The following SETBP1 variants were observed in gnomAD, a reference collection of about 807,000 sequenced individuals.
SETBP1 encodes the protein SET-binding protein.
A neutral mutation model predicts 101.0 loss-of-function variants in SETBP1; 9 were observed. The observed-to-expected ratio is 0.09, with a 90% CI of 0.05 to 0.16. The LOEUF is 0.16. Among genes scored for constraint, SETBP1 ranks in the 10% least tolerant of loss-of-function variants. The probability of loss-of-function intolerance (pLI) is 1.00; values close to 1 mark genes in which losing one functional copy is unlikely to be tolerated. For synonymous variants in SETBP1, 818 were observed against 788.5 expected (o/e 1.04, Z -0.63); for missense variants, 1,858 against 2,033.8 (o/e 0.91, Z 1.66).
intron 3 of SETBP1, among the ~76,000 whole-genome samples, chr18:44,893,570 C>T (rs1224706939): frequency 6.6e-6 from 1 of 152,132 alleles, no homozygotes; most frequent in Non-Finnish European, 1.5e-5. Context: ...TCTCCTCACC[C>T]CGGTGTGGCC....
At position 44,823,669 on chromosome 18, in the gene SETBP1, G is replaced by A. The variant is rs75691652; in HGVS notation, c.487-45561G>A. ...GCAGACCCCTTGTTTATGAGACCTGGGGCTTTTGTGCAATAAAGAAATAGA... is the reference window on the plus strand; with the variant it reads ...GCAGACCCCTTGTTTATGAGACCTGAGGCTTTTGTGCAATAAAGAAATAGA... On this transcript the variant is annotated intron_variant, in intron 2 of 5. Coordinates refer to ENST00000649279, the MANE Select transcript of SETBP1 (RefSeq NM_015559.3). 3.9e-5 allele frequency among the ~76,000 whole-genome samples: 6 copies of A among 152,246 alleles called. No homozygotes were observed. The East Asian group carries it at 1.2e-3, about 29-fold the overall frequency.
rs546784543 is a variant in SETBP1 at position 44,868,185 on chromosome 18, CAG to C, written c.487-1042_487-1041del. 1.8e-3 allele frequency among the ~76,000 whole-genome samples: 280 copies of C among 152,230 alleles called. 1 individual carries two copies. Among genetic ancestry groups the C allele is most frequent in the African/African-American group, 6.5e-3 (272 of 41,534 alleles). ...TTTAGTCTTTAATATTGATTAAACACAGAGGTGCAGAAAGTACATATAACTGA... is the reference window on the plus strand; with the variant it reads ...TTTAGTCTTTAATATTGATTAAACACAGGTGCAGAAAGTACATATAACTGA... On this transcript the variant is annotated intron_variant, in intron 2 of 5. Coordinates refer to ENST00000649279, the MANE Select transcript of SETBP1 (RefSeq NM_015559.3).
intron 3 of SETBP1, among the ~76,000 whole-genome samples, chr18:44,878,108 G>A (rs2069450576): frequency 6.6e-6 from 1 of 152,106 alleles, no homozygotes; most frequent in Non-Finnish European, 1.5e-5. Flanking sequence ...AGTCATCCCT[G>A]CTAGTATATT....
At chr18:44,816,153 A>G (rs893034247) in intron 2 of SETBP1, among the ~76,000 whole-genome samples, 1 of 152,144 alleles carries the variant, frequency 6.6e-6, no homozygotes, top group Non-Finnish European at 1.5e-5. Flanking sequence ...ATAAAAGCCA[A>G]TGCAAGGCAG....
intron 2 of SETBP1, among the ~76,000 whole-genome samples, chr18:44,843,601 C>T (rs1337567035): frequency 2.6e-5 from 4 of 152,098 alleles, no homozygotes; most frequent in South Asian, 2.1e-4. Context: ...CCAGGCCAGC[C>T]GCAGTCCTCA....
At chr18:44,875,349 C>T (rs1016912859) in intron 3 of SETBP1, among the ~76,000 whole-genome samples, 1 of 151,880 alleles carries the variant, frequency 6.6e-6, no homozygotes, top group Non-Finnish European at 1.5e-5. Flanking sequence ...GAAACCTCGT[C>T]TCTACTAAAA....
chr18:44,812,563 A>T (rs1452956964), intron 2 of SETBP1, among the ~76,000 whole-genome samples: 1 of 152,134 alleles, frequency 6.6e-6, no homozygotes, highest in Non-Finnish European at 1.5e-5. Flanking sequence ...TTGGTTTGGC[A>T]TGGAGCACTG....
intron 2 of SETBP1, among the ~76,000 whole-genome samples, chr18:44,774,169 A>G (rs1048292020): frequency 1.3e-5 from 2 of 152,162 alleles, no homozygotes; most frequent in Non-Finnish European, 2.9e-5. Context: ...GAAGATTTTA[A>G]TCTTAAAATT....
At chr18:44,811,884 A>T (rs1328730040) in intron 2 of SETBP1, among the ~76,000 whole-genome samples, 1 of 152,180 alleles carries the variant, frequency 6.6e-6, no homozygotes, top group Admixed American at 6.5e-5. Context: ...ACTGGAAGGG[A>T]GGCAGTTGGC....
chr18:45,008,117 A>G (rs1216381531), intron 4 of SETBP1, among the ~76,000 whole-genome samples: 1 of 152,212 alleles, frequency 6.6e-6, no homozygotes, highest in Non-Finnish European at 1.5e-5. Context: ...AAAAAGTTCA[A>G]GACACCTCTC....
intron 2 of SETBP1, among the ~76,000 whole-genome samples, chr18:44,842,538 C>A (rs2072637442): frequency 6.6e-6 from 1 of 152,184 alleles, no homozygotes; most frequent in Non-Finnish European, 1.5e-5. Flanking sequence ...CTGGTGCCTT[C>A]CCCAAAGAAT....
At chr18:44,709,390 G>A (rs2069291284) in intron 2 of SETBP1, among the ~76,000 whole-genome samples, 1 of 152,136 alleles carries the variant, frequency 6.6e-6, no homozygotes, top group East Asian at 1.9e-4. Context: ...CTCTGGAAGT[G>A]GATTAGAACT....
chr18:44,860,134 A>G (rs1002055138), intron 2 of SETBP1, among the ~76,000 whole-genome samples: 3 of 152,216 alleles, frequency 2.0e-5, no homozygotes, highest in Non-Finnish European at 4.4e-5. Context: ...TGAGCAGATC[A>G]TCTGGTCAGT....
At chr18:44,799,233 G>A (rs974472940) in intron 2 of SETBP1, among the ~76,000 whole-genome samples, 2 of 152,114 alleles carry the variant, frequency 1.3e-5, no homozygotes, top group African/African-American at 2.4e-5. Context: ...ATAGACAGGT[G>A]AGAACCTTTG....
chr18:44,760,095 A>G (rs1201311716), intron 2 of SETBP1, among the ~76,000 whole-genome samples: 2 of 152,190 alleles, frequency 1.3e-5, no homozygotes, highest in East Asian at 3.8e-4. Flanking sequence ...GTACTAGGGT[A>G]ATACATGTCC....
intron 2 of SETBP1, among the ~76,000 whole-genome samples, chr18:44,842,835 C>G (rs576404931): frequency 6.6e-6 from 1 of 152,244 alleles, no homozygotes. Flanking sequence ...GAGGAACCAA[C>G]TGTTACAGAT....
chr18:44,870,221 CT>C (rs1183413420), intron 3 of SETBP1: 3 of 152,214 alleles, frequency 2.0e-5, no homozygotes, highest in Non-Finnish European at 4.4e-5. Flanking sequence ...ACGTTTTCTT[CT>C]TTAAAGGTGT....
intron 4 of SETBP1, among the ~76,000 whole-genome samples, chr18:44,990,056 T>G (rs963451296): frequency 6.6e-6 from 1 of 151,610 alleles, no homozygotes; most frequent in African/African-American, 2.4e-5. Flanking sequence ...TCAAAGTATA[T>G]AAAGAAAAAT....
chr18:44,879,141 T>C (rs1268447180), intron 3 of SETBP1, among the ~76,000 whole-genome samples: 1 of 152,252 alleles, frequency 6.6e-6, no homozygotes, highest in Non-Finnish European at 1.5e-5. Flanking sequence ...TTGTAATCTT[T>C]ACAGCTATAA....
Sources: allele counts gnomAD v4.1 joint callset (sites outside exome capture counted in the v4.1 genomes callset), GRCh38; gene constraint gnomAD v4.1.1; transcripts MANE v1.5; gene names NCBI Gene and HGNC (gene_info 2026-07-23, HGNC 2026-07-21).